Variants in PRSS55 observed in about 807,000 individuals in gnomAD.
PRSS55 encodes serine protease 55, also known as probable serine protease UNQ9391/PRO34284.
PRSS55 carries 41 observed loss-of-function variants against 23.6 expected under a neutral mutation model. The ratio of observed to expected loss-of-function variants is 1.74; its 90% CI spans 1.35 to 2.26. PRSS55 has a LOEUF of 2.26. Ranked by LOEUF, PRSS55 falls within the 30% of genes most tolerant of loss-of-function variation. The pLI is 0.00. For missense variants in PRSS55, 669 were observed against 439.1 expected (o/e 1.52, Z -4.68); for synonymous variants, 262 against 175.5 (o/e 1.49, Z -3.90).
chr8:10,527,243 T>G lies in PRSS55; in HGVS notation c.154+1504T>G, dbSNP rs184308627. On this transcript the variant is annotated intron_variant, in intron 1 of 4. Coordinates refer to ENST00000328655, the MANE Select transcript of PRSS55 (RefSeq NM_198464.4). ...AGTAGTTGATGATATGGATGTGGCT[T>G]ACTTTAGTCACCCCTAGCGTTTAGC... Among the ~76,000 whole-genome samples the G allele has an allele frequency of 5.3e-4, 80 of 152,368 alleles. 2 individuals carry two copies. In the East Asian group the frequency reaches 0.013, roughly 26 times the overall value.
At chr8:10,540,681 C>G (rs1273692781), downstream of PRSS55, 2 of 152,176 alleles carry the variant, frequency 1.3e-5, no homozygotes, top group East Asian at 3.8e-4. Flanking sequence ...CGCCACTGCA[C>G]TCCGGCCTGG....
Position 10,529,332 on chromosome 8 carries a change from C to G in PRSS55, c.155-175C>G, listed in dbSNP as rs1486226992. 9.1e-6 allele frequency: 6 copies of G among 658,208 alleles called. 1 individual carries two copies. The highest frequency in any genetic ancestry group is 7.2e-5 in the African/African-American group (4 of 55,634). The allele number at this position is 658,208 out of a possible 1,614,324, so 40.8% of individuals were successfully genotyped here. A position where few individuals can be genotyped will look rare whatever the true frequency, so the allele number is the denominator to read the frequency against. On this transcript the variant is annotated intron_variant, in intron 1 of 4. Coordinates refer to ENST00000328655, the MANE Select transcript of PRSS55 (RefSeq NM_198464.4). ...GCTCTGTGTAGACAAAATAAACCATCTGCCGGCTGATGTCACAAGGGCTGC... is the reference window on the plus strand; with the variant it reads ...GCTCTGTGTAGACAAAATAAACCATGTGCCGGCTGATGTCACAAGGGCTGC...
downstream of PRSS55, among the ~76,000 whole-genome samples, chr8:10,539,488 A>C (rs1168995030): frequency 6.6e-6 from 1 of 152,296 alleles, no homozygotes; most frequent in East Asian, 1.9e-4. Context: ...CCTTCTATGG[A>C]GCATGTTTCC....
downstream of PRSS55, among the ~76,000 whole-genome samples, chr8:10,542,108 A>C (rs1037538249): frequency 6.6e-6 from 1 of 152,198 alleles, no homozygotes; most frequent in South Asian, 2.1e-4. Flanking sequence ...ACGTTTTGTC[A>C]TGATATGGAA....
chr8:10,531,937 G>A lies in PRSS55; in HGVS notation c.598+392G>A, dbSNP rs145257357. On this transcript the variant is annotated intron_variant, in intron 3 of 4. Coordinates refer to ENST00000328655, the MANE Select transcript of PRSS55 (RefSeq NM_198464.4). ...GGCTAGGCTCTGACGGTCCTGGAGC[G>A]TTGCCTGGCTCTTCTTAGAAATGAA... Among the ~76,000 whole-genome samples, 937 of 152,304 alleles carry A rather than the reference G, an allele frequency of 6.2e-3. 7 individuals are homozygous for A. The highest frequency in any genetic ancestry group is 0.019 in the African/African-American group (788 of 41,566).
At chr8:10,531,722 C>T (rs1812274703) in intron 3 of PRSS55, 177 bp downstream of exon 3, 2 of 766,508 alleles carry the variant, frequency 2.6e-6, no homozygotes, top group African/African-American at 3.5e-5. Context: ...GGTGAGACAC[C>T]AGGTCTGAGC....
intron 4 of PRSS55, among the ~76,000 whole-genome samples, chr8:10,546,673 T>C (rs1402614098): frequency 6.6e-6 from 1 of 151,882 alleles, no homozygotes; most frequent in African/African-American, 2.4e-5. Flanking sequence ...TGCCTCCTCT[T>C]GACAAACAAA....
At chr8:10,542,419 G>GGAAGAAA (rs60800512), downstream of PRSS55, among the ~76,000 whole-genome samples, 1 of 133,504 alleles carries the variant, frequency 7.5e-6, no homozygotes, top group Non-Finnish European at 1.6e-5. Context: ...CCATGCGGGG[G>GGAAGAAA]AAAAAAAAAA....
At chr8:10,553,234 T>C (rs1476799349) in intron 4 of PRSS55, among the ~76,000 whole-genome samples, 2 of 152,242 alleles carry the variant, frequency 1.3e-5, no homozygotes, top group Non-Finnish European at 1.5e-5. Context: ...AGACATGCCT[T>C]TGCTTCACTC....
intron 1 of PRSS55, chr8:10,529,265 G>T: frequency 1.1e-5 from 6 of 567,074 alleles, no homozygotes; most frequent in Non-Finnish European, 1.3e-5. Flanking sequence ...ACAAATGCTG[G>T]ATAGAGTCAG....
At chr8:10,533,130 C>A in intron 4 of PRSS55, 82 bp downstream of exon 4, 1 of 1,419,124 alleles carries the variant, frequency 7.0e-7, no homozygotes, top group Non-Finnish European at 9.7e-7. Flanking sequence ...CTCTCTGCTG[C>A]AAATAGACAA....
At chr8:10,544,237 T>C (rs1212712033) in intron 4 of PRSS55, among the ~76,000 whole-genome samples, 1 of 152,216 alleles carries the variant, frequency 6.6e-6, no homozygotes, top group Non-Finnish European at 1.5e-5. Flanking sequence ...TTGTTATAGC[T>C]TTCTGAATCA....
chr8:10,526,268 G>A (rs183886614), intron 1 of PRSS55, among the ~76,000 whole-genome samples: 3 of 152,192 alleles, frequency 2.0e-5, no homozygotes, highest in Non-Finnish European at 4.4e-5. Context: ...ACACCACCAC[G>A]GTGGGGCATC....
In PRSS55 at chr8:10,529,599, G is replaced by A. The variant is rs148423273; in HGVS notation, c.247G>A (p.Val83Met). ...GGAGGTGGGTGAGTTTCCGTGGCAGGTGAGTATTCAGGCAAGAAGTGAACC... is the reference window on the plus strand; with the variant it reads ...GGAGGTGGGTGAGTTTCCGTGGCAGATGAGTATTCAGGCAAGAAGTGAACC... ...EAEVGEFPWQ[V>M]SIQARSEPFC... is the part of the protein sequence containing the mutation. The change falls in exon 2 of 5, where the codon GTG becomes ATG. Residue 83 changes from valine (V) to methionine (M), a missense_variant. Coordinates refer to ENST00000328655, the MANE Select transcript of PRSS55 (RefSeq NM_198464.4). 11 of 1,614,086 alleles carry A rather than the reference G, an allele frequency of 6.8e-6. No homozygotes were observed. The highest frequency in any genetic ancestry group is 1.7e-5 in the Admixed American group (1 of 60,014).
Position 10,533,046 on chromosome 8 carries a change from A to T in PRSS55, c.739A>T (p.Lys247Ter). The T allele has an allele frequency of 6.2e-7, 1 of 1,614,218 alleles. No homozygotes were observed. The highest frequency in any genetic ancestry group is 8.5e-7 in the Non-Finnish European group (1 of 1,180,024). Residue 247 changes from lysine to a stop codon, truncating the protein, a stop_gained and splice_region_variant, in exon 4 of 5, where the codon AAG (lysine) becomes TAG (stop). Coordinates refer to ENST00000328655, the MANE Select transcript of PRSS55 (RefSeq NM_198464.4). LOFTEE classifies it low-confidence loss of function (END_TRUNC). ...CAAGAATGAGAGCTATGATGCCTGC[A>T]AGGTAACTAGGGGGTACCCTCCCTC... ...GYKNESYDACKGDSGGPLVCT... is the reference protein window; with the variant it reads ...GYKNESYDAC
At chr8:10,553,213 G>T (rs1812989987) in intron 4 of PRSS55, among the ~76,000 whole-genome samples, 1 of 152,190 alleles carries the variant, frequency 6.6e-6, no homozygotes, top group Non-Finnish European at 1.5e-5. Context: ...TCTCTCACCT[G>T]CTGCCATGTA....
downstream of PRSS55, among the ~76,000 whole-genome samples, chr8:10,542,686 G>A (rs1446459369): frequency 6.6e-6 from 1 of 151,178 alleles, no homozygotes; most frequent in Non-Finnish European, 1.5e-5. Flanking sequence ...TGGCCAAGAT[G>A]GTGAAACCCC....
chr8:10,533,158 G>T, intron 4 of PRSS55, 110 bp downstream of exon 4: 1 of 1,229,752 alleles, frequency 8.1e-7, no homozygotes, highest in South Asian at 1.5e-5. Flanking sequence ...TCTGGAAAAT[G>T]TATGGGAATT....
chr8:10,529,337 G>A (rs891646533), intron 1 of PRSS55, 170 bp from the exon 2 acceptor site: 25 of 667,982 alleles, frequency 3.7e-5, no homozygotes, highest in African/African-American at 2.3e-4. Flanking sequence ...ACCATCTGCC[G>A]GCTGATGTCA....
Sources: allele counts gnomAD v4.1 joint callset (sites outside exome capture counted in the v4.1 genomes callset), GRCh38; gene constraint gnomAD v4.1.1; transcripts MANE v1.5; gene names NCBI Gene and HGNC (gene_info 2026-07-23, HGNC 2026-07-21).